Variants in PRKN observed in about 807,000 individuals in gnomAD.
The protein encoded by PRKN is E3 ubiquitin-protein ligase parkin.
A neutral mutation model predicts 59.5 loss-of-function variants in PRKN; 56 were observed. That is an observed-to-expected ratio of 0.94 (90% CI 0.76 to 1.18). The LOEUF (loss-of-function observed/expected upper bound fraction) is 1.18, where lower values mean the gene tolerates loss of function less well. Ranked by LOEUF, PRKN falls within the 50% of genes most tolerant of loss-of-function variation. The pLI is 0.00. For missense variants in PRKN, 657 were observed against 596.4 expected (o/e 1.10, Z -1.06); for synonymous variants, 250 against 222.1 (o/e 1.13, Z -1.12).
intron 4 of PRKN, among the ~76,000 whole-genome samples, chr6:162,054,381 C>T (rs762612415): frequency 3.3e-5 from 5 of 152,288 alleles, no homozygotes; most frequent in South Asian, 4.1e-4. Flanking sequence ...CATACAAAGA[C>T]GATATTTGAC....
At chr6:162,103,034 C>A in intron 4 of PRKN, among the ~76,000 whole-genome samples, 1 of 139,644 alleles carries the variant, frequency 7.2e-6, no homozygotes. Flanking sequence ...AAGAGCGAGA[C>A]TCTGTCTCAA....
At chr6:162,062,651 A>G (rs1271959010) in intron 4 of PRKN, among the ~76,000 whole-genome samples, 2 of 152,184 alleles carry the variant, frequency 1.3e-5, no homozygotes, top group African/African-American at 4.8e-5. Context: ...GGGGCCTTGG[A>G]AAACACCAAG....
chr6:162,393,615 G>A (rs1225639669), intron 2 of PRKN, among the ~76,000 whole-genome samples: 1 of 152,152 alleles, frequency 6.6e-6, no homozygotes, highest in African/African-American at 2.4e-5. Context: ...TAACTGGAAT[G>A]TCATAATGTA....
intron 1 of PRKN, among the ~76,000 whole-genome samples, chr6:162,563,605 A>G (rs1779942405): frequency 6.6e-6 from 1 of 152,208 alleles, no homozygotes; most frequent in South Asian, 2.1e-4. Flanking sequence ...CAATGCCCAG[A>G]CACCAAAGAA....
intron 6 of PRKN, among the ~76,000 whole-genome samples, chr6:161,824,290 G>T (rs1005358900): frequency 3.3e-5 from 5 of 152,218 alleles, no homozygotes; most frequent in African/African-American, 9.6e-5. Flanking sequence ...CATTAGATGT[G>T]CCAAGTCATA....
At chr6:162,553,788 C>G (rs950639837) in intron 1 of PRKN, among the ~76,000 whole-genome samples, 4 of 93,188 alleles carry the variant, frequency 4.3e-5, no homozygotes, top group African/African-American at 1.7e-4. Flanking sequence ...GGCAACAGAG[C>G]AAGAATCCAT....
intron 4 of PRKN, among the ~76,000 whole-genome samples, chr6:162,171,490 A>G (rs528935879): frequency 6.6e-6 from 1 of 152,268 alleles, no homozygotes; most frequent in South Asian, 2.1e-4. Flanking sequence ...CTCCTCTGTC[A>G]AACCGGGAAA....
At chr6:161,732,479 T>TGTGTGTGTGTGTGTGTGTGTGTG (rs1261124218) in intron 7 of PRKN, among the ~76,000 whole-genome samples, 1 of 126,984 alleles carries the variant, frequency 7.9e-6, no homozygotes, top group African/African-American at 5.3e-5. Context: ...CAGAGGTTTT[T>TGTGTGTGTGTGTGTGTGTGTGTG]TTTTTTTGTG....
chr6:161,632,059 G>A (rs1397167069), intron 7 of PRKN, among the ~76,000 whole-genome samples: 1 of 152,182 alleles, frequency 6.6e-6, no homozygotes, highest in African/African-American at 2.4e-5. Context: ...ATTAAAATAA[G>A]CCAAACCAAG....
At chr6:161,957,376 C>T (rs1435516891) in intron 6 of PRKN, among the ~76,000 whole-genome samples, 1 of 151,450 alleles carries the variant, frequency 6.6e-6, no homozygotes, top group African/African-American at 2.4e-5. Context: ...GATGCAAATC[C>T]ATGTCTGTTT....
intron 7 of PRKN, among the ~76,000 whole-genome samples, chr6:161,777,910 G>GTATGTATACATATATATGTA (rs1790028190): frequency 4.1e-5 from 6 of 144,958 alleles, no homozygotes; most frequent in African/African-American, 1.5e-4. Context: ...ATATATATGT[G>GTATGTATACATATATATGTA]TATATATATG....
At chr6:162,341,352 T>C (rs1375085119) in intron 2 of PRKN, among the ~76,000 whole-genome samples, 2 of 152,168 alleles carry the variant, frequency 1.3e-5, no homozygotes, top group Non-Finnish European at 2.9e-5. Context: ...AGTTTGGTGA[T>C]TCCTCAAGGA....
chr6:161,827,606 C>A (rs1285711182), intron 6 of PRKN, among the ~76,000 whole-genome samples: 3 of 145,692 alleles, frequency 2.1e-5, no homozygotes, highest in Non-Finnish European at 4.5e-5. Context: ...GCCTCTGGTT[C>A]AAGCAATTCT....
At chr6:161,577,750 ATT>A (rs1368239175) in intron 7 of PRKN, among the ~76,000 whole-genome samples, 1 of 152,020 alleles carries the variant, frequency 6.6e-6, no homozygotes, top group Non-Finnish European at 1.5e-5. Flanking sequence ...GCAGATTGGT[ATT>A]TTCTGGTTTT....
intron 2 of PRKN, among the ~76,000 whole-genome samples, chr6:162,365,778 C>T (rs1785406246): frequency 1.3e-5 from 2 of 151,970 alleles, no homozygotes; most frequent in African/African-American, 4.8e-5. Flanking sequence ...TGTACAGCAC[C>T]CATCACCCTC....
chr6:161,956,235 A>G (rs2128247161), intron 6 of PRKN, among the ~76,000 whole-genome samples: 1 of 152,320 alleles, frequency 6.6e-6, no homozygotes, highest in South Asian at 2.1e-4. Flanking sequence ...TTCTTTCTCC[A>G]GGGCCTGTGC....
chr6:161,926,219 A>T (rs914513600), intron 6 of PRKN, among the ~76,000 whole-genome samples: 1 of 152,348 alleles, frequency 6.6e-6, no homozygotes, highest in Admixed American at 6.5e-5. Context: ...TGAGGGAGAC[A>T]TGCTATGATC....
At position 162,426,102 on chromosome 6, in the gene PRKN, T is replaced by G. The variant is rs1192102591; in HGVS notation, c.171+17208A>C. Reference sequence around the variant, plus strand: ...AATCTCAATATAGAATTATCTTTCCTGTAATTCAGAAAATAAGACAAGTTA... The same window carrying G: ...AATCTCAATATAGAATTATCTTTCCGGTAATTCAGAAAATAAGACAAGTTA... On this transcript the variant is annotated intron_variant, in intron 2 of 11. Coordinates refer to ENST00000366898, the MANE Select transcript of PRKN (RefSeq NM_004562.3). Among the ~76,000 whole-genome samples, 2 of 152,218 alleles carry G rather than the reference T, an allele frequency of 1.3e-5. 1 individual carries two copies. The highest frequency in any genetic ancestry group is 1.3e-4 in the Admixed American group (2 of 15,282).
chr6:162,562,742 T>C (rs1204740215), intron 1 of PRKN, among the ~76,000 whole-genome samples: 2 of 152,156 alleles, frequency 1.3e-5, no homozygotes, highest in African/African-American at 4.8e-5. Context: ...CCTCTGGACC[T>C]ACCCAGAGAG....
Sources: allele counts gnomAD v4.1 joint callset (sites outside exome capture counted in the v4.1 genomes callset), GRCh38; gene constraint gnomAD v4.1.1; transcripts MANE v1.5; gene names NCBI Gene and HGNC (gene_info 2026-07-23, HGNC 2026-07-21).